The following TMEM120B variants were observed in gnomAD, a reference collection of about 807,000 sequenced individuals.
The protein encoded by TMEM120B is transmembrane protein 120B.
In TMEM120B, 31 loss-of-function variants were observed where a neutral mutation model predicts 55.5. The observed-to-expected ratio is 0.56, with a 90% confidence interval of 0.42 to 0.75. The LOEUF is 0.75. Among genes scored for constraint, TMEM120B ranks in the 30% least tolerant of loss-of-function variants. TMEM120B has a pLI of 0.00. For missense variants in TMEM120B, 399 were observed against 425.5 expected, an observed-to-expected ratio of 0.94 and a Z score of 0.55; for synonymous variants, 203 against 176.3, an observed-to-expected ratio of 1.15 and a Z score of -1.20.
intron 6 of TMEM120B, among the ~76,000 whole-genome samples, chr12:121,765,114 T>G (rs1592945912): frequency 1.3e-5 from 2 of 148,680 alleles, no homozygotes; most frequent in East Asian, 3.9e-4. Flanking sequence ...TTTTTTTCTT[T>G]TCTTTCTTTT....
rs539140614 is a variant in TMEM120B at position 121,716,218 on chromosome 12, G to A, written c.69+3254G>A. 5.3e-4 allele frequency among the ~76,000 whole-genome samples: 80 copies of A among 151,536 alleles called. 1 individual carries two copies. Among genetic ancestry groups the A allele is most frequent in the Non-Finnish European group, 8.7e-4 (59 of 67,932 alleles). On this transcript the variant is annotated intron_variant, in intron 1 of 11. Coordinates refer to ENST00000449592, the MANE Select transcript of TMEM120B (RefSeq NM_001080825.2). ...AGCTACTAGGGAGGCTGGAGTAGGA[G>A]GGCTGTTTGAGCCCCAGAGGTCAAG...
intron 5 of TMEM120B, among the ~76,000 whole-genome samples, chr12:121,760,093 C>T (rs1288273525): frequency 4.1e-5 from 6 of 145,142 alleles, no homozygotes. Context: ...ATCACGCCAC[C>T]GCACTCCAGC....
rs560246071 is a variant in TMEM120B, at chr12:121,743,632, A to G, written c.73A>G (p.Thr25Ala). ...CCCCGGGTCCCCTGTTCTTCAGGAG[A>G]CGCACAGGATCTACAAGCAGAAGCT... ...LEGEFQELQE[T>A]HRIYKQKLEE... is the part of the protein sequence containing the mutation. The change falls in exon 2 of 12, where the codon ACG (threonine) becomes GCG (alanine). Residue 25 changes from threonine to alanine, a missense_variant. Coordinates refer to ENST00000449592, the MANE Select transcript of TMEM120B (RefSeq NM_001080825.2). 5.0e-6 allele frequency: 8 copies of G among 1,613,010 alleles called. No homozygotes were observed. Among genetic ancestry groups the G allele is most frequent in the African/African-American group, 2.7e-5 (2 of 74,846 alleles).
chr12:121,739,796 TTC>T (rs1259160244), intron 1 of TMEM120B, among the ~76,000 whole-genome samples: 16 of 141,064 alleles, frequency 1.1e-4, no homozygotes, highest in African/African-American at 3.5e-4. Context: ...CCTGCAACAC[TTC>T]TTTTTTTTTT....
chr12:121,746,186 C>CCG, intron 2 of TMEM120B, among the ~76,000 whole-genome samples: 1 of 149,250 alleles, frequency 6.7e-6, no homozygotes, highest in African/African-American at 2.5e-5. Context: ...AAACCGCCCC[C>CCG]CCACTTTTTT....
rs1894798767 is a variant in TMEM120B, at chr12:121,721,892, T to C, written c.69+8928T>C. Among the ~76,000 whole-genome samples the C allele has an allele frequency of 2.1e-5, 3 of 144,350 alleles. No individual in the cohort carries two copies. The South Asian group carries it at 6.8e-4, about 33-fold the overall frequency. 94.7% of individuals were successfully genotyped at this position (144,350 alleles called of 152,430 possible). On this transcript the variant is annotated intron_variant, in intron 1 of 11. Coordinates refer to ENST00000449592, the MANE Select transcript of TMEM120B (RefSeq NM_001080825.2). The stretch of plus-strand genomic sequence containing the variant: ...GGCTCAATCTTAGCTCATTGCAACC[T>C]CTGCCTCCCGGGTTCAAGCGATTTT...
intron 1 of TMEM120B, among the ~76,000 whole-genome samples, chr12:121,738,024 A>G (rs1872808444): frequency 6.6e-6 from 1 of 151,582 alleles, no homozygotes; most frequent in Admixed American, 6.6e-5. Context: ...AAAAAAAAAA[A>G]AAAAAGAAAG....
intron 5 of TMEM120B, among the ~76,000 whole-genome samples, chr12:121,757,364 CAG>C (rs1385666183): frequency 2.6e-5 from 4 of 151,850 alleles, no homozygotes; most frequent in Admixed American, 1.3e-4. Flanking sequence ...TTTTTTGAGA[CAG>C]AGTCTCACTC....
chr12:121,723,827 G>A (rs1004824753), intron 1 of TMEM120B, among the ~76,000 whole-genome samples: 37 of 152,014 alleles, frequency 2.4e-4, no homozygotes, highest in African/African-American at 8.2e-4. Flanking sequence ...TTTCTTTTGA[G>A]ACAAGGTCTC....
intron 5 of TMEM120B, among the ~76,000 whole-genome samples, 179 bp from the exon 6 acceptor site, chr12:121,761,470 C>T (rs926856918): frequency 1.3e-5 from 2 of 152,068 alleles, no homozygotes; most frequent in East Asian, 1.9e-4. Context: ...TTTGCAGGGC[C>T]GGGGAAGACG....
At position 121,757,768 on chromosome 12, in the gene TMEM120B, G is replaced by A. The variant is rs992558435; in HGVS notation, c.462-3881G>A. On this transcript the variant is annotated intron_variant, in intron 5 of 11. Coordinates refer to ENST00000449592, the MANE Select transcript of TMEM120B (RefSeq NM_001080825.2). ...CCTGACCTCGTGATCCACCCACCTC[G>A]GCCTCCCAAAGTGTTGGGATTACAG... Among the ~76,000 whole-genome samples, 4 of 151,914 alleles carry A rather than the reference G, an allele frequency of 2.6e-5. No individual in the cohort carries two copies. The East Asian group carries it at 5.8e-4, about 22-fold the overall frequency.
At chr12:121,735,682 C>T (rs1025110983) in intron 1 of TMEM120B, among the ~76,000 whole-genome samples, 7 of 150,930 alleles carry the variant, frequency 4.6e-5, no homozygotes, top group African/African-American at 1.7e-4. Flanking sequence ...CAGGCATGAG[C>T]CACCGTGCCC....
intron 1 of TMEM120B, among the ~76,000 whole-genome samples, chr12:121,719,716 C>T (rs575996658): frequency 2.0e-4 from 31 of 151,768 alleles, no homozygotes; most frequent in African/African-American, 6.3e-4. Context: ...TTTTTTGAGA[C>T]GGAGTTTTGC....
At chr12:121,764,539 CATG>C (rs1224798215) in intron 6 of TMEM120B, among the ~76,000 whole-genome samples, 1 of 151,896 alleles carries the variant, frequency 6.6e-6, no homozygotes, top group Non-Finnish European at 1.5e-5. Flanking sequence ...ATTAGCCAGG[CATG>C]GTGGTGTACA....
Position 121,781,512 on chromosome 12 carries a change from T to A in TMEM120B, c.*5790T>A, listed in dbSNP as rs1874456839. 2 of 315,890 alleles carry A rather than the reference T, an allele frequency of 6.3e-6. No individual in the cohort carries two copies. Among genetic ancestry groups the A allele is most frequent in the Non-Finnish European group, 1.2e-5 (2 of 163,944 alleles). 19.6% of individuals were successfully genotyped at this position (315,890 alleles called of 1,614,324 possible). A position where few individuals can be genotyped will look rare whatever the true frequency, so the allele number is the denominator to read the frequency against. Reference sequence around the variant, plus strand: ...TGAGCGGCAGCCCCCCAGTCCTGGATGGTGGTAAAGAATCCTCAAGATCAA... The same window carrying A: ...TGAGCGGCAGCCCCCCAGTCCTGGAAGGTGGTAAAGAATCCTCAAGATCAA... On this transcript the variant is annotated 3_prime_UTR_variant, in exon 12 of 12. Coordinates refer to ENST00000449592, the MANE Select transcript of TMEM120B (RefSeq NM_001080825.2).
intron 6 of TMEM120B, among the ~76,000 whole-genome samples, chr12:121,770,586 C>T (rs3893308): frequency 0.32 from 48,318 of 151,218 alleles, 9,316 homozygotes; most frequent in African/African-American, 0.55. Flanking sequence ...CTGGAGCGCC[C>T]GCGTGCTGGG....
In TMEM120B at chr12:121,752,109, G is replaced by A; in HGVS notation, c.366-19G>A. 2 of 1,610,170 alleles carry A rather than the reference G, an allele frequency of 1.2e-6. No individual in the cohort carries two copies. Among genetic ancestry groups the A allele is most frequent in the South Asian group, 2.2e-5 (2 of 90,878 alleles). ...AGTCATGGTAAGGGGCACACCCCTG[G>A]GCGTGTCTGTCGTGGCAGGTTCGCC... On this transcript the variant is annotated intron_variant, in intron 4 of 11. Coordinates refer to ENST00000449592, the MANE Select transcript of TMEM120B (RefSeq NM_001080825.2).
intron 1 of TMEM120B, among the ~76,000 whole-genome samples, chr12:121,730,314 A>G (rs1324397518): frequency 1.3e-5 from 2 of 151,388 alleles, no homozygotes; most frequent in Non-Finnish European, 2.9e-5. Context: ...GTGAGCCTGG[A>G]GCACATTATG....
At chr12:121,758,393 G>T in intron 5 of TMEM120B, 1 of 984,884 alleles carries the variant, frequency 1.0e-6, no homozygotes, top group Non-Finnish European at 1.2e-6. Flanking sequence ...GCCCAGCCCC[G>T]CGCTGTGGTC....
Sources: gnomAD v4.1 joint callset for allele counts (sites outside exome capture counted in the v4.1 genomes callset) on GRCh38, gnomAD v4.1.1 for gene constraint, MANE v1.5 for transcripts, NCBI Gene and HGNC (gene_info 2026-07-23, HGNC 2026-07-21) for gene names.